SRGAP2C: variants seen among roughly 807,000 people sequenced by gnomAD.
SRGAP2C encodes SLIT-ROBO Rho GTPase activating protein 2C.
In SRGAP2C, 15 loss-of-function variants were observed where a neutral mutation model predicts 25.1. The observed-to-expected ratio is 0.60, with a 90% confidence interval of 0.40 to 0.92. SRGAP2C has a LOEUF of 0.92. SRGAP2C is among the 40% of genes least tolerant of loss of function. The pLI is 0.00. For missense variants in SRGAP2C, 144 were observed against 264.4 expected (o/e 0.54, Z 3.16); for synonymous variants, 44 against 96.6 (o/e 0.46, Z 3.19).
At chr1:121,185,665 C>T in intron 1 of SRGAP2C, 1 of 218,510 alleles carries the variant, frequency 4.6e-6, no homozygotes, top group Admixed American at 8.7e-5. Flanking sequence ...CCCCACAGTT[C>T]CTGACATCCT....
Position 121,336,718 on chromosome 1 carries a change from G to A in SRGAP2C, c.423+12078G>A, listed in dbSNP as rs1266819114. On this transcript the variant is annotated intron_variant, in intron 4 of 9. Coordinates refer to ENST00000367123, the MANE Select transcript of SRGAP2C (RefSeq NM_001329984.2). Reference sequence around the variant, plus strand: ...CTCCTTTACATTTCAATAAACTTTTGTCTCATCTAATACCCAGGCCATGTA... The same window carrying A: ...CTCCTTTACATTTCAATAAACTTTTATCTCATCTAATACCCAGGCCATGTA... 4.6e-5 allele frequency among the ~76,000 whole-genome samples: 4 copies of A among 86,404 alleles called. 2 individuals carry two copies. The Admixed American group carries it at 5.0e-4, about 11-fold the overall frequency. The allele number at this position is 86,404 out of a possible 152,430, so 56.7% of individuals were successfully genotyped here. A position where few individuals can be genotyped will look rare whatever the true frequency, so the allele number is the denominator to read the frequency against.
At chr1:121,271,299 A>ACAG (rs1443914718) in intron 2 of SRGAP2C, among the ~76,000 whole-genome samples, 2 of 147,144 alleles carry the variant, frequency 1.4e-5, no homozygotes, top group Non-Finnish European at 3.0e-5. Flanking sequence ...AACTAAGAGA[A>ACAG]CAGGCCACAG....
chr1:121,359,921 A>G (rs1476561942), intron 4 of SRGAP2C, among the ~76,000 whole-genome samples: 2 of 152,200 alleles, frequency 1.3e-5, no homozygotes, highest in Non-Finnish European at 2.9e-5. Flanking sequence ...AGGATTGTAA[A>G]TGCACCAATC....
intron 2 of SRGAP2C, among the ~76,000 whole-genome samples, chr1:121,272,502 G>T (rs1371916824): frequency 4.6e-5 from 7 of 151,698 alleles, no homozygotes; most frequent in African/African-American, 7.3e-5. Context: ...GTAAAAAGGT[G>T]GTTCCCCCTC....
At chr1:121,272,515 T>C (rs1656998872) in intron 2 of SRGAP2C, among the ~76,000 whole-genome samples, 1 of 151,816 alleles carries the variant, frequency 6.6e-6, no homozygotes, top group South Asian at 2.1e-4. Flanking sequence ...TCCCCCTCTT[T>C]CCCAACACAT....
At chr1:121,307,382 T>A (rs1243302302) in intron 3 of SRGAP2C, among the ~76,000 whole-genome samples, 1 of 151,660 alleles carries the variant, frequency 6.6e-6, no homozygotes, top group African/African-American at 2.4e-5. Flanking sequence ...CCACAGTTTG[T>A]AAAACATTGC....
At chr1:121,357,079 A>G (rs1553347759) in intron 4 of SRGAP2C, among the ~76,000 whole-genome samples, 2 of 134,368 alleles carry the variant, frequency 1.5e-5, no homozygotes, top group Non-Finnish European at 3.2e-5. Flanking sequence ...GTGAGCATTC[A>G]CAGAGGGTAG....
At chr1:121,375,920 A>G (rs1659633501) in intron 7 of SRGAP2C, among the ~76,000 whole-genome samples, 1 of 151,642 alleles carries the variant, frequency 6.6e-6, no homozygotes, top group African/African-American at 2.4e-5. Flanking sequence ...CATCTGGCCC[A>G]TTTTTAAAAA....
chr1:121,273,899 A>G (rs1657039212), intron 2 of SRGAP2C, among the ~76,000 whole-genome samples: 2 of 151,740 alleles, frequency 1.3e-5, no homozygotes, highest in Non-Finnish European at 2.9e-5. Context: ...GTAGAAGGCA[A>G]TGCACTGTCA....
intron 2 of SRGAP2C, among the ~76,000 whole-genome samples, chr1:121,266,062 C>T (rs1165906113): frequency 6.6e-6 from 1 of 151,894 alleles, no homozygotes; most frequent in Non-Finnish European, 1.5e-5. Context: ...GCAACCTTTG[C>T]ATCCTGGGTT....
intron 3 of SRGAP2C, among the ~76,000 whole-genome samples, chr1:121,305,187 A>G (rs1165695438): frequency 6.6e-6 from 1 of 151,972 alleles, no homozygotes; most frequent in Non-Finnish European, 1.5e-5. Context: ...TTTTGCATTT[A>G]GCGAACCAAG....
intron 4 of SRGAP2C, among the ~76,000 whole-genome samples, chr1:121,350,135 G>T (rs1658865363): frequency 6.6e-6 from 1 of 151,800 alleles, no homozygotes; most frequent in African/African-American, 2.4e-5. Flanking sequence ...AAGGCCCAGA[G>T]GCCCAGGATG....
At chr1:121,264,731 C>T (rs1329707857) in intron 2 of SRGAP2C, among the ~76,000 whole-genome samples, 2 of 150,212 alleles carry the variant, frequency 1.3e-5, no homozygotes, top group East Asian at 2.0e-4. Flanking sequence ...CCTACAGCAT[C>T]GTCTTTTTCC....
intron 3 of SRGAP2C, among the ~76,000 whole-genome samples, chr1:121,304,218 A>G (rs2101588295): frequency 7.8e-6 from 1 of 127,616 alleles, no homozygotes; most frequent in Admixed American, 8.0e-5. Context: ...ATCAAAAAAA[A>G]AAAAAAAAAA....
chr1:121,276,471 A>C, intron 2 of SRGAP2C, among the ~76,000 whole-genome samples: 2 of 117,568 alleles, frequency 1.7e-5, no homozygotes, highest in African/African-American at 3.3e-5. Flanking sequence ...CTTCCTCCCT[A>C]CCCCACAGAG....
chr1:121,287,583 G>A lies in SRGAP2C; in HGVS notation c.260+2588G>A, dbSNP rs1225268452. 1.6e-4 allele frequency among the ~76,000 whole-genome samples: 25 copies of A among 152,094 alleles called. No individual in the cohort carries two copies. The South Asian group carries it at 4.4e-3, about 27-fold the overall frequency. ...TTTTTAGTACTATATCATATTCTCAGCTTATGGACGTATTTGTTACAAATT... is the reference window on the plus strand; with the variant it reads ...TTTTTAGTACTATATCATATTCTCAACTTATGGACGTATTTGTTACAAATT... On this transcript the variant is annotated intron_variant, in intron 3 of 9. Coordinates refer to ENST00000367123, the MANE Select transcript of SRGAP2C (RefSeq NM_001329984.2).
intron 5 of SRGAP2C, among the ~76,000 whole-genome samples, chr1:121,371,131 T>C (rs1240838558): frequency 2.0e-5 from 3 of 148,292 alleles, no homozygotes; most frequent in Non-Finnish European, 4.5e-5. Flanking sequence ...CCTATCTATA[T>C]ATAGATAGAA....
chr1:121,308,414 C>T (rs1657897686), intron 3 of SRGAP2C, among the ~76,000 whole-genome samples: 1 of 151,612 alleles, frequency 6.6e-6, no homozygotes, highest in Non-Finnish European at 1.5e-5. Flanking sequence ...GTCTCAGCTA[C>T]ATTAGGCACA....
rs1453446766 is a variant in SRGAP2C, at chr1:121,268,142, A to G, written c.68-16661A>G. ...AAATGATAAACACCTAAATAGATTTACAAGTGGCATGAAGAAAAATTAAAA... is the reference window on the plus strand; with the variant it reads ...AAATGATAAACACCTAAATAGATTTGCAAGTGGCATGAAGAAAAATTAAAA... On this transcript the variant is annotated intron_variant, in intron 2 of 9. Coordinates refer to ENST00000367123, the MANE Select transcript of SRGAP2C (RefSeq NM_001329984.2). 2.7e-5 allele frequency among the ~76,000 whole-genome samples: 4 copies of G among 149,446 alleles called. 1 individual carries two copies. The Admixed American group carries it at 2.7e-4, about 10-fold the overall frequency.
Sources: gnomAD v4.1 joint callset for allele counts (sites outside exome capture counted in the v4.1 genomes callset) on GRCh38, gnomAD v4.1.1 for gene constraint, MANE v1.5 for transcripts, NCBI Gene and HGNC (gene_info 2026-07-23, HGNC 2026-07-21) for gene names.